Variants in CUX1 observed in about 807,000 individuals in gnomAD.
CUX1 encodes protein CASP.
Under a neutral mutation model 158.8 loss-of-function variants are expected in CUX1, and 31 were observed. That is an observed-to-expected ratio of 0.20 (90% CI 0.15 to 0.26). The LOEUF (loss-of-function observed/expected upper bound fraction) is 0.26, where lower values mean the gene tolerates loss of function less well. Among genes scored for constraint, CUX1 ranks in the 10% least tolerant of loss-of-function variants. The pLI, the probability that CUX1 is intolerant of heterozygous loss-of-function variation, is 1.00. For missense variants in CUX1, 1,589 were observed against 2,014.6 expected, an observed-to-expected ratio of 0.79 and a Z score of 4.04; for synonymous variants, 879 against 862.1, an observed-to-expected ratio of 1.02 and a Z score of -0.34.
intron 5 of CUX1, among the ~76,000 whole-genome samples, chr7:102,104,057 C>T (rs1830076337): frequency 6.6e-6 from 1 of 152,034 alleles, no homozygotes; most frequent in African/African-American, 2.4e-5. Context: ...TTTCCATCTC[C>T]CCCCACCCTT....
At chr7:102,131,803 G>A (rs1437637065) in intron 8 of CUX1, among the ~76,000 whole-genome samples, 1 of 151,708 alleles carries the variant, frequency 6.6e-6, no homozygotes, top group Admixed American at 6.6e-5. Context: ...CTCCTGAGTA[G>A]CTGGGATTAC....
At chr7:102,170,325 G>A (rs1408193468) in intron 9 of CUX1, 121 bp from the exon 10 acceptor site, 1 of 681,950 alleles carries the variant, frequency 1.5e-6, no homozygotes. Flanking sequence ...CATTTATTAG[G>A]TTGAGTGTTT....
intron 8 of CUX1, among the ~76,000 whole-genome samples, chr7:102,133,467 CTTTTTTTTT>C (rs11266929): frequency 3.3e-5 from 3 of 90,576 alleles, no homozygotes; most frequent in African/African-American, 1.5e-4. Flanking sequence ...AAAAATACAT[CTTTTTTTTT>C]TTTTTTTTTT....
At chr7:102,133,262 CAG>C (rs1470031974) in intron 8 of CUX1, among the ~76,000 whole-genome samples, 5 of 152,026 alleles carry the variant, frequency 3.3e-5, no homozygotes, top group Admixed American at 2.6e-4. Flanking sequence ...TATAGAATCC[CAG>C]GCCTTTCTTT....
intron 10 of CUX1, among the ~76,000 whole-genome samples, 167 bp from the exon 11 acceptor site, chr7:102,178,302 A>T (rs1234534010): frequency 2.6e-5 from 4 of 152,114 alleles, no homozygotes; most frequent in Admixed American, 2.0e-4. Flanking sequence ...CCACAGGGGG[A>T]GGAAGGTTGC....
intron 1 of CUX1, among the ~76,000 whole-genome samples, chr7:101,877,606 G>C (rs1192137034): frequency 6.6e-6 from 1 of 152,200 alleles, no homozygotes; most frequent in African/African-American, 2.4e-5. Context: ...AGAATCGCTT[G>C]AGCCCAGGAG....
intron 3 of CUX1, among the ~76,000 whole-genome samples, chr7:102,031,369 T>G (rs919269738): frequency 2.6e-5 from 4 of 152,126 alleles, no homozygotes; most frequent in Non-Finnish European, 5.9e-5. Flanking sequence ...GGCCTGATTT[T>G]TTTGTTTGTT....
At chr7:102,146,175 G>C (rs1430833180) in intron 8 of CUX1, among the ~76,000 whole-genome samples, 1 of 152,142 alleles carries the variant, frequency 6.6e-6, no homozygotes, top group Non-Finnish European at 1.5e-5. Flanking sequence ...GAACCCAGAT[G>C]CTCATCCCTG....
At chr7:101,817,132 G>C (rs1488310067), upstream of CUX1, 35 of 984,334 alleles carry the variant, frequency 3.6e-5, no homozygotes, top group African/African-American at 5.4e-4. The surrounding 1 kb of genome is among the most constrained non-coding windows in gnomAD (Gnocchi z 4.1). Context: ...CGCCGGGTGC[G>C]GGCGCGGGAG....
intron 1 of CUX1, among the ~76,000 whole-genome samples, chr7:101,902,236 G>A (rs1049938597): frequency 5.3e-5 from 8 of 152,190 alleles, no homozygotes; most frequent in African/African-American, 1.9e-4. Flanking sequence ...CTCCTGCTAT[G>A]ATTTCGACAA....
At chr7:101,995,671 G>A (rs1815758781) in intron 2 of CUX1, among the ~76,000 whole-genome samples, 1 of 152,194 alleles carries the variant, frequency 6.6e-6, no homozygotes, top group African/African-American at 2.4e-5. Context: ...ACTGTTGTTG[G>A]TGTTTGGAAG....
intron 9 of CUX1, 25 bp downstream of exon 9, chr7:102,158,633 C>G (rs1554506084): frequency 6.2e-7 from 1 of 1,611,468 alleles, no homozygotes; most frequent in African/African-American, 1.3e-5. Flanking sequence ...GCTTTTAGTC[C>G]TAAAACCCAC....
chr7:101,914,832 A>G (rs1373457877), intron 1 of CUX1, among the ~76,000 whole-genome samples: 1 of 152,030 alleles, frequency 6.6e-6, no homozygotes, highest in African/African-American at 2.4e-5. Flanking sequence ...GCATGATTTC[A>G]TCCCATCCGG....
chr7:101,865,626 A>T (rs989805108), intron 1 of CUX1, among the ~76,000 whole-genome samples: 1 of 152,236 alleles, frequency 6.6e-6, no homozygotes, highest in Non-Finnish European at 1.5e-5. Context: ...GAGCGTTTCC[A>T]CATTCATTCT....
At chr7:101,927,714 TTTTG>T (rs1243838043) in intron 2 of CUX1, among the ~76,000 whole-genome samples, 8 of 152,176 alleles carry the variant, frequency 5.3e-5, no homozygotes, top group South Asian at 2.1e-4. Flanking sequence ...AGAGACCTTA[TTTTG>T]TTTGTTTGTT....
intron 21 of CUX1, among the ~76,000 whole-genome samples, chr7:102,231,946 C>G (rs1480944890): frequency 1.3e-5 from 2 of 151,644 alleles, no homozygotes; most frequent in Non-Finnish European, 2.9e-5. Context: ...ATCTCCTGAC[C>G]TCATGATCTG....
chr7:101,890,991 T>C (rs1241651528), intron 1 of CUX1, among the ~76,000 whole-genome samples: 1 of 152,144 alleles, frequency 6.6e-6, no homozygotes, highest in African/African-American at 2.4e-5. Flanking sequence ...AGCAGGATTT[T>C]TTTTTTGAGC....
intron 23 of CUX1, among the ~76,000 whole-genome samples, chr7:102,240,018 G>A (rs1219151897): frequency 6.6e-6 from 1 of 152,162 alleles, no homozygotes; most frequent in African/African-American, 2.4e-5. Context: ...AAAGTGCTGG[G>A]ATTACAGGCG....
chr7:102,162,968 G>T (rs1458523578), intron 9 of CUX1, among the ~76,000 whole-genome samples: 3 of 152,156 alleles, frequency 2.0e-5, no homozygotes, highest in Non-Finnish European at 4.4e-5. Flanking sequence ...CGCACAGAGT[G>T]GACCGAAGGA....
Sources: allele counts gnomAD v4.1 joint callset (sites outside exome capture counted in the v4.1 genomes callset), GRCh38; gene constraint gnomAD v4.1.1; non-coding constraint Gnocchi (gnomAD v3.1); transcripts MANE v1.5; gene names NCBI Gene and HGNC (gene_info 2026-07-23, HGNC 2026-07-21).